IL7: variants seen among roughly 807,000 people sequenced by gnomAD.
IL7 encodes interleukin-7.
Under a neutral mutation model 21.6 loss-of-function variants are expected in IL7, and 3 were observed. The observed-to-expected ratio is 0.14, with a 90% confidence interval of 0.06 to 0.36. IL7 has a LOEUF of 0.36. Ranked by LOEUF, IL7 falls within the 10% of genes least tolerant of loss-of-function variation. The pLI is 1.00. For synonymous variants in IL7, 62 were observed against 68.1 expected (o/e 0.91, Z 0.44); for missense variants, 175 against 200.2 (o/e 0.87, Z 0.76).
chr8:78,677,216 G>A (rs1209596742), intron 4 of IL7, among the ~76,000 whole-genome samples: 1 of 151,990 alleles, frequency 6.6e-6, no homozygotes, highest in Non-Finnish European at 1.5e-5. Flanking sequence ...TTAGTTTACC[G>A]ATGTCATCAA....
chr8:78,735,691 A>C (rs1252668487), intron 5 of IL7, among the ~76,000 whole-genome samples: 3 of 152,160 alleles, frequency 2.0e-5, no homozygotes, highest in Non-Finnish European at 4.4e-5. Context: ...TTCACTTCAG[A>C]TGTTCCACTT....
At chr8:78,751,707 G>T (rs1425883860) in intron 2 of IL7, among the ~76,000 whole-genome samples, 2 of 152,072 alleles carry the variant, frequency 1.3e-5, no homozygotes, top group Non-Finnish European at 2.9e-5. Flanking sequence ...AATGTGTAAT[G>T]ATCAAATCAG....
chr8:78,745,102 C>T (rs768990507), intron 2 of IL7, among the ~76,000 whole-genome samples: 9 of 152,182 alleles, frequency 5.9e-5, no homozygotes, highest in Non-Finnish European at 1.3e-4. Context: ...TCTAGTTGGC[C>T]ATCTTGGCCA....
At chr8:78,682,082 A>T (rs1204470019) in intron 4 of IL7, among the ~76,000 whole-genome samples, 1 of 152,050 alleles carries the variant, frequency 6.6e-6, no homozygotes, top group African/African-American at 2.4e-5. Flanking sequence ...TGGATTCAAC[A>T]CATAATTCTT....
At chr8:78,692,116 G>A (rs1332263080) in intron 3 of IL7, among the ~76,000 whole-genome samples, 1 of 152,088 alleles carries the variant, frequency 6.6e-6, no homozygotes, top group African/African-American at 2.4e-5. Flanking sequence ...ACCATGCTAT[G>A]CAGTATATCT....
At chr8:78,689,460 A>C (rs770206615) in intron 3 of IL7, 2 of 1,291,274 alleles carry the variant, frequency 1.5e-6, no homozygotes, top group Non-Finnish European at 2.0e-6. Context: ...ATGACATTAG[A>C]CTATATTTTT....
intron 4 of IL7, chr8:78,678,452 G>C (rs1809656095): frequency 1.3e-6 from 1 of 744,132 alleles, no homozygotes; most frequent in African/African-American, 1.8e-5. Flanking sequence ...TTTGTATTCA[G>C]GTTTTTCATT....
intron 3 of IL7, among the ~76,000 whole-genome samples, chr8:78,710,319 T>A (rs573393847): frequency 1.4e-4 from 21 of 152,262 alleles, no homozygotes; most frequent in African/African-American, 5.1e-4. Context: ...ATAAATCAAG[T>A]TGAATGTTAT....
intron 1 of IL7, 43 bp downstream of exon 1, chr8:78,804,870 C>T (rs1287234074): frequency 6.2e-7 from 1 of 1,611,350 alleles, no homozygotes; most frequent in African/African-American, 1.3e-5. Context: ...TGCCCCGGCG[C>T]GTCGGGCGCG....
At chr8:78,698,415 T>C in intron 3 of IL7, 1 of 1,608,860 alleles carries the variant, frequency 6.2e-7, no homozygotes, top group Non-Finnish European at 8.5e-7. Flanking sequence ...TATTATAAGG[T>C]GTTCCTTCAG....
chr8:78,717,210 A>G (rs1366672037), downstream of IL7: 1 of 875,656 alleles, frequency 1.1e-6, no homozygotes, highest in Admixed American at 3.3e-5. Flanking sequence ...AACTAGAGGA[A>G]TATTAAAAAC....
At chr8:78,706,333 G>T (rs886591011) in intron 3 of IL7, among the ~76,000 whole-genome samples, 5 of 152,130 alleles carry the variant, frequency 3.3e-5, no homozygotes, top group African/African-American at 9.7e-5. Context: ...ATCCTGCTTT[G>T]CTGGAGTTGC....
rs137959552 is a variant in IL7 at position 78,780,938 on chromosome 8, A to C, written c.147+17134T>G. 8.9e-3 allele frequency among the ~76,000 whole-genome samples: 1,362 copies of C among 152,326 alleles called. 15 individuals carry two copies. Among genetic ancestry groups the C allele is most frequent in the African/African-American group, 0.031 (1,284 of 41,576 alleles). On this transcript the variant is annotated intron_variant, in intron 2 of 5. Transcript: ENST00000263851. ...TCCTGTATTGGGTGCATATATATTT[A>C]GGATGTTAGCTCTTCTTGTTGAATT...
rs985621111 is a variant in IL7, at chr8:78,805,052, C to G, written c.-130G>C. 7.2e-6 allele frequency: 7 copies of G among 970,432 alleles called. No individual in the cohort carries two copies. The highest frequency in any genetic ancestry group is 3.3e-5 in the African/African-American group (2 of 60,040). 60.1% of individuals were successfully genotyped at this position (970,432 alleles called of 1,614,324 possible). A position where few individuals can be genotyped will look rare whatever the true frequency, so the allele number is the denominator to read the frequency against. ...GAGTCTGTGTTGGGCAGGGTGATCTCTGCAGCTGGTTCCTCTTACCCACGC... is the reference window on the plus strand; with the variant it reads ...GAGTCTGTGTTGGGCAGGGTGATCTGTGCAGCTGGTTCCTCTTACCCACGC... On this transcript the variant is annotated 5_prime_UTR_variant, in exon 1 of 6. Coordinates refer to ENST00000263851, the MANE Select transcript of IL7 (RefSeq NM_000880.4).
intron 4 of IL7, among the ~76,000 whole-genome samples, chr8:78,678,372 G>A (rs1809652536): frequency 6.6e-6 from 1 of 152,104 alleles, no homozygotes; most frequent in Non-Finnish European, 1.5e-5. Flanking sequence ...ATAACTTAGA[G>A]CGTGCATTAT....
chr8:78,775,270 A>G (rs917929583), intron 2 of IL7, among the ~76,000 whole-genome samples: 3 of 152,150 alleles, frequency 2.0e-5, no homozygotes, highest in African/African-American at 7.2e-5. Flanking sequence ...TTAAATACAC[A>G]CACTGCATAA....
intron 2 of IL7, among the ~76,000 whole-genome samples, chr8:78,752,852 T>C (rs916558202): frequency 1.3e-5 from 2 of 152,184 alleles, no homozygotes; most frequent in Non-Finnish European, 1.5e-5. Context: ...GTCTTTGGTT[T>C]TCTGTTCCTG....
chr8:78,748,261 T>C (rs1447799926), intron 2 of IL7, among the ~76,000 whole-genome samples: 4 of 152,260 alleles, frequency 2.6e-5, no homozygotes, highest in Non-Finnish European at 5.9e-5. Context: ...AACAGCCATA[T>C]GCCAGATGGT....
At chr8:78,691,728 A>G (rs1054907340) in intron 3 of IL7, among the ~76,000 whole-genome samples, 4 of 151,902 alleles carry the variant, frequency 2.6e-5, no homozygotes, top group African/African-American at 9.7e-5. Flanking sequence ...TTGAAAAGTG[A>G]TTGCTCTAGG....
Sources: allele counts gnomAD v4.1 joint callset (sites outside exome capture counted in the v4.1 genomes callset), GRCh38; gene constraint gnomAD v4.1.1; transcripts MANE v1.5; gene names NCBI Gene and HGNC (gene_info 2026-07-23, HGNC 2026-07-21).